Variants in ABCB4 observed in about 807,000 individuals in gnomAD.
ABCB4 encodes the protein ATP binding cassette subfamily B member 4.
In ABCB4, 76 loss-of-function variants were observed where a neutral mutation model predicts 145.7. That is an observed-to-expected ratio of 0.52 (90% CI 0.43 to 0.63). The LOEUF is 0.63. ABCB4 is among the 30% of genes least tolerant of loss of function. The pLI, the probability that ABCB4 is intolerant of heterozygous loss-of-function variation, is 0.00. For synonymous variants in ABCB4, 517 were observed against 566.8 expected (o/e 0.91, Z 1.25); for missense variants, 1,234 against 1,553.1 (o/e 0.79, Z 3.45).
chr7:87,472,448 T>G (rs924374371), intron 3 of ABCB4, among the ~76,000 whole-genome samples, 173 bp downstream of exon 3: 1 of 152,148 alleles, frequency 6.6e-6, no homozygotes, highest in Non-Finnish European at 1.5e-5. Flanking sequence ...GGTCTCAAAC[T>G]CTTGTGCTCA....
chr7:87,396,740 C>T (rs1346720564), downstream of ABCB4, among the ~76,000 whole-genome samples: 3 of 151,470 alleles, frequency 2.0e-5, no homozygotes, highest in African/African-American at 7.3e-5. Context: ...ACAAAGTTAT[C>T]TACATTTCCA....
the ABCB4 span, chr7:87,377,374 A>T: frequency 6.2e-7 from 1 of 1,609,230 alleles, no homozygotes; most frequent in Non-Finnish European, 8.5e-7. Context: ...CTTATTGGAG[A>T]TCCAACAGTA....
chr7:87,426,025 G>T (rs1420051085), intron 16 of ABCB4, among the ~76,000 whole-genome samples: 1 of 147,162 alleles, frequency 6.8e-6, no homozygotes, highest in East Asian at 1.9e-4. Flanking sequence ...AATGCATACA[G>T]CAAAAAAAAA....
chr7:87,439,563 C>T, intron 14 of ABCB4, 104 bp downstream of exon 14: 2 of 1,309,028 alleles, frequency 1.5e-6, no homozygotes, highest in South Asian at 2.4e-5. Flanking sequence ...GAGGTAGCTC[C>T]ATTTGCTATG....
chr7:87,404,963 G>A (rs1808072549), intron 26 of ABCB4, among the ~76,000 whole-genome samples: 1 of 152,142 alleles, frequency 6.6e-6, no homozygotes, highest in Non-Finnish European at 1.5e-5. Context: ...GTTTAGCAGT[G>A]GCTTATAAAC....
chr7:87,429,469 T>C (rs951983953), intron 15 of ABCB4, among the ~76,000 whole-genome samples: 3 of 152,178 alleles, frequency 2.0e-5, no homozygotes, highest in African/African-American at 7.2e-5. Context: ...GGGAATTTGA[T>C]ATAGAAAGGT....
At chr7:87,398,689 T>A (rs767368205), downstream of ABCB4, 19 of 1,586,482 alleles carry the variant, frequency 1.2e-5, no homozygotes, top group Non-Finnish European at 1.6e-5. Flanking sequence ...ATCATTAAAC[T>A]GAGTGCTGGG....
chr7:87,457,221 C>A (rs1013032025), intron 4 of ABCB4, among the ~76,000 whole-genome samples: 2 of 152,060 alleles, frequency 1.3e-5, no homozygotes, highest in African/African-American at 4.8e-5. Flanking sequence ...GAGTTTGAGA[C>A]CAGCCTGGGC....
At chr7:87,406,549 A>C (rs202232508) in intron 25 of ABCB4, 55 bp from the exon 26 acceptor site, 1 of 1,588,050 alleles carries the variant, frequency 6.3e-7, no homozygotes, top group Admixed American at 1.7e-5. Context: ...AAAAAAAACT[A>C]AAAAGTTACT....
intron 26 of ABCB4, among the ~76,000 whole-genome samples, chr7:87,404,514 T>C (rs1476518148): frequency 6.6e-6 from 1 of 152,162 alleles, no homozygotes; most frequent in Non-Finnish European, 1.5e-5. Context: ...AATTGGTAAA[T>C]TGGACCTCAT....
chr7:87,449,952 A>G lies in ABCB4; in HGVS notation c.833+16T>C, dbSNP rs1811598372. ...AAACACATTCCTTAAACCAGTGGCTAAAGAACCTTCCTGACCTTTCCAGCT... is the reference window on the plus strand; with the variant it reads ...AAACACATTCCTTAAACCAGTGGCTGAAGAACCTTCCTGACCTTTCCAGCT... On this transcript the variant is annotated intron_variant, in intron 8 of 27. Coordinates refer to ENST00000649586, the MANE Select transcript of ABCB4 (RefSeq NM_000443.4). The G allele has an allele frequency of 2.5e-6, 4 of 1,614,010 alleles. No homozygotes were observed. In the Admixed American group the frequency reaches 5.0e-5, roughly 20 times the overall value.
the ABCB4 span, among the ~76,000 whole-genome samples, chr7:87,375,061 G>A: frequency 6.6e-6 from 1 of 151,996 alleles, no homozygotes; most frequent in Non-Finnish European, 1.5e-5. Flanking sequence ...TGTGGAGGGG[G>A]AGTAGTTTAT....
At position 87,416,682 on chromosome 7, in the gene ABCB4, T is replaced by C. The variant is rs551725910; in HGVS notation, c.2682+630A>G. On this transcript the variant is annotated intron_variant, in intron 21 of 27. Coordinates refer to ENST00000649586, the MANE Select transcript of ABCB4 (RefSeq NM_000443.4). The stretch of plus-strand genomic sequence containing the variant: ...TGAACTTAAATCCCAGCCAAATCTC[T>C]AACTTCTGTTTGAATCTCAGGTTCT... Among the ~76,000 whole-genome samples the C allele has an allele frequency of 4.6e-5, 7 of 152,274 alleles. No individual in the cohort carries two copies. In the East Asian group the frequency reaches 1.2e-3, roughly 25 times the overall value.
chr7:87,375,663 A>G, the ABCB4 span: 2 of 1,613,432 alleles, frequency 1.2e-6, no homozygotes, highest in Non-Finnish European at 1.7e-6. Context: ...GAAGTGCCAT[A>G]GTGAACCTGA....
At chr7:87,388,025 T>TGGGTCC in the ABCB4 span, among the ~76,000 whole-genome samples, 1 of 152,130 alleles carries the variant, frequency 6.6e-6, no homozygotes, top group African/African-American at 2.4e-5. Flanking sequence ...TTGGTGGGTC[T>TGGGTCC]ATTACTGGGG....
At chr7:87,398,519 C>A (rs368915489), downstream of ABCB4, 89 of 1,613,394 alleles carry the variant, frequency 5.5e-5, no homozygotes, top group Middle Eastern at 1.5e-3. Context: ...ATTTATGCTT[C>A]ACAGGTTTGT....
At chr7:87,375,989 G>C in the ABCB4 span, 1 of 1,511,544 alleles carries the variant, frequency 6.6e-7, no homozygotes, top group Non-Finnish European at 8.8e-7. Context: ...TTTTATTGCA[G>C]ATTTTTCTGG....
chr7:87,454,012 G>T (rs1009712144), intron 5 of ABCB4, among the ~76,000 whole-genome samples: 1 of 152,136 alleles, frequency 6.6e-6, no homozygotes, highest in Non-Finnish European at 1.5e-5. Flanking sequence ...TTAGTAGAAA[G>T]TTAGTATTTT....
At chr7:87,381,664 C>T in the ABCB4 span, among the ~76,000 whole-genome samples, 1 of 152,064 alleles carries the variant, frequency 6.6e-6, no homozygotes, top group East Asian at 1.9e-4. Flanking sequence ...CCCTCATGAC[C>T]CCAAGCCCCA....
Sources: gnomAD v4.1 joint callset for allele counts (sites outside exome capture counted in the v4.1 genomes callset) on GRCh38, gnomAD v4.1.1 for gene constraint, MANE v1.5 for transcripts, NCBI Gene and HGNC (gene_info 2026-07-23, HGNC 2026-07-21) for gene names.